Variants in MEOX2 observed in about 807,000 individuals in gnomAD.
The protein encoded by MEOX2 is mesenchyme homeobox 2, also known as homeobox protein MOX-2.
MEOX2 carries 11 observed loss-of-function variants against 27.0 expected under a neutral mutation model. The observed-to-expected ratio is 0.41, with a 90% CI of 0.26 to 0.68. The LOEUF (loss-of-function observed/expected upper bound fraction) is 0.68, where lower values mean the gene tolerates loss of function less well. Among genes scored for constraint, MEOX2 ranks in the 30% least tolerant of loss-of-function variants. The pLI is 0.33. For synonymous variants in MEOX2, 189 were observed against 155.4 expected (o/e 1.22, Z -1.61); for missense variants, 436 against 385.4 (o/e 1.13, Z -1.10).
chr7:15,656,368 T>C (rs983589314), intron 1 of MEOX2, among the ~76,000 whole-genome samples: 2 of 151,892 alleles, frequency 1.3e-5, no homozygotes, highest in Admixed American at 6.6e-5. Flanking sequence ...ATAATTATTG[T>C]ATGCTAGAGC....
At chr7:15,616,167 T>C (rs957969396) in intron 2 of MEOX2, among the ~76,000 whole-genome samples, 1 of 151,808 alleles carries the variant, frequency 6.6e-6, no homozygotes, top group Non-Finnish European at 1.5e-5. Flanking sequence ...TTTGATTATA[T>C]AGAATAACTC....
intron 1 of MEOX2, among the ~76,000 whole-genome samples, chr7:15,667,338 T>C (rs1312023531): frequency 1.4e-5 from 2 of 139,692 alleles, no homozygotes; most frequent in African/African-American, 2.7e-5. Flanking sequence ...TGAGAGGAGT[T>C]GAGGCAGCTG....
At chr7:15,650,061 G>A (rs1781712190) in intron 1 of MEOX2, among the ~76,000 whole-genome samples, 1 of 152,030 alleles carries the variant, frequency 6.6e-6, no homozygotes, top group African/African-American at 2.4e-5. Flanking sequence ...AATAAATAGA[G>A]GTGGATCTCA....
At chr7:15,654,584 G>A (rs992066527) in intron 1 of MEOX2, among the ~76,000 whole-genome samples, 8 of 151,652 alleles carry the variant, frequency 5.3e-5, no homozygotes, top group Admixed American at 6.6e-5. Context: ...TCCATTTCTA[G>A]TTTTCTGAGA....
At position 15,620,070 on chromosome 7, in the gene MEOX2, A is replaced by G. The variant is rs372580983; in HGVS notation, c.690+6676T>C. On this transcript the variant is annotated intron_variant, in intron 2 of 2. Coordinates refer to ENST00000262041, the MANE Select transcript of MEOX2 (RefSeq NM_005924.5). The stretch of plus-strand genomic sequence containing the variant: ...TGTATTTATTTATTTAAATAAAAGC[A>G]TTATCAGGAATGTCTCTTTATATTT... 2.0e-5 allele frequency among the ~76,000 whole-genome samples: 3 copies of G among 152,192 alleles called. No homozygotes were observed. The East Asian group carries it at 5.8e-4, about 29-fold the overall frequency.
intron 2 of MEOX2, among the ~76,000 whole-genome samples, chr7:15,616,680 T>A (rs118111792): frequency 0.063 from 9,554 of 152,030 alleles, 374 homozygotes; most frequent in Middle Eastern, 0.13. Context: ...TTTGAATTAT[T>A]TTTATTTAAA....
chr7:15,681,829 G>C (rs1238716321), intron 1 of MEOX2: 1 of 151,688 alleles, frequency 6.6e-6, no homozygotes, highest in Non-Finnish European at 1.5e-5. Flanking sequence ...GTGAAAGTTT[G>C]TGCAATACCA....
intron 1 of MEOX2, among the ~76,000 whole-genome samples, chr7:15,655,035 T>A (rs1183423611): frequency 6.6e-6 from 1 of 151,762 alleles, no homozygotes; most frequent in African/African-American, 2.4e-5. Context: ...TTGACATTTT[T>A]AAATCATAAA....
intron 1 of MEOX2, among the ~76,000 whole-genome samples, chr7:15,642,934 G>T (rs1255420324): frequency 6.6e-6 from 1 of 152,158 alleles, no homozygotes; most frequent in Non-Finnish European, 1.5e-5. Context: ...TTTGTACGTT[G>T]TAGTAGTGAT....
chr7:15,666,649 G>A (rs1275005827), intron 1 of MEOX2, among the ~76,000 whole-genome samples: 1 of 150,240 alleles, frequency 6.7e-6, no homozygotes, highest in Non-Finnish European at 1.5e-5. Flanking sequence ...CTATTTGTGA[G>A]GCTGAGGCAG....
intron 2 of MEOX2, among the ~76,000 whole-genome samples, chr7:15,621,975 G>A (rs529656118): frequency 3.9e-5 from 6 of 152,042 alleles, no homozygotes; most frequent in South Asian, 2.1e-4. Flanking sequence ...AAAATTAGCC[G>A]GGCATGGTAG....
At chr7:15,627,469 G>T (rs1291157512) in intron 1 of MEOX2, among the ~76,000 whole-genome samples, 1 of 151,968 alleles carries the variant, frequency 6.6e-6, no homozygotes, top group African/African-American at 2.4e-5. Context: ...CAATAGCAAT[G>T]TTCTTTTATT....
rs746619188 is a variant in MEOX2 at position 15,626,911 on chromosome 7, C to A, written c.525G>T (p.Gln175His). ...GKRKSDSSDS[Q>H]EGNYKSEVNS... ...TGACTTCTGACTTGTAATTTCCTTC[C>A]TGGGAGTCTGAAAAAAAAGGGAGAC... The change falls in exon 2 of 3, where the codon CAG becomes CAT. Residue 175 changes from glutamine (Q) to histidine (H), a missense_variant. Physicochemically the swap from Gln to His is conservative, Grantham distance 24. Transcript: ENST00000262041. 6.2e-7 allele frequency: 1 copy of A among 1,610,926 alleles called. No individual in the cohort carries two copies. Among genetic ancestry groups the A allele is most frequent in the Admixed American group, 1.7e-5 (1 of 59,540 alleles).
chr7:15,626,951 C>G lies in MEOX2; in HGVS notation c.518-33G>C, dbSNP rs989377131. On this transcript the variant is annotated intron_variant, in intron 1 of 2. Transcript: ENST00000262041. ...AAAAGGGAGACAGAATTGGTAATAACTCATTTATTCAAACACATGCAATCA... is the reference window on the plus strand; with the variant it reads ...AAAAGGGAGACAGAATTGGTAATAAGTCATTTATTCAAACACATGCAATCA... The G allele has an allele frequency of 5.7e-6, 9 of 1,589,098 alleles. No individual in the cohort carries two copies. In the African/African-American group the frequency reaches 6.8e-5, roughly 12 times the overall value.
chr7:15,665,976 TTTAAGA>T (rs958583105), intron 1 of MEOX2, among the ~76,000 whole-genome samples: 2 of 152,172 alleles, frequency 1.3e-5, no homozygotes, highest in Non-Finnish European at 2.9e-5. Flanking sequence ...TTTTCTCAAA[TTTAAGA>T]TTGAGAGGGT....
At chr7:15,657,243 G>A (rs550816478) in intron 1 of MEOX2, among the ~76,000 whole-genome samples, 1 of 152,036 alleles carries the variant, frequency 6.6e-6, no homozygotes, top group African/African-American at 2.4e-5. Flanking sequence ...TGCTAAATTT[G>A]GAAAATTTCA....
At chr7:15,617,042 C>T (rs1781135600) in intron 2 of MEOX2, among the ~76,000 whole-genome samples, 2 of 151,958 alleles carry the variant, frequency 1.3e-5, no homozygotes, top group Admixed American at 6.6e-5. Context: ...TGTATTGTCA[C>T]ACAATTTCCT....
intron 2 of MEOX2, among the ~76,000 whole-genome samples, chr7:15,625,313 A>G (rs192710088): frequency 1.3e-5 from 2 of 152,310 alleles, no homozygotes; most frequent in African/African-American, 4.8e-5. Flanking sequence ...CCAGCATGCC[A>G]AATGTTGAAC....
At chr7:15,616,882 C>G (rs1781132081) in intron 2 of MEOX2, among the ~76,000 whole-genome samples, 1 of 151,920 alleles carries the variant, frequency 6.6e-6, no homozygotes, top group African/African-American at 2.4e-5. Context: ...AACATAGTCC[C>G]TGCCCTTAAG....
Sources: gnomAD v4.1 joint callset for allele counts (sites outside exome capture counted in the v4.1 genomes callset) on GRCh38, gnomAD v4.1.1 for gene constraint, MANE v1.5 for transcripts, NCBI Gene and HGNC (gene_info 2026-07-23, HGNC 2026-07-21) for gene names.